NCK1: variants seen among roughly 807,000 people sequenced by gnomAD.
NCK1 encodes SH2/SH3 adapter protein NCK1.
Under a neutral mutation model 36.6 loss-of-function variants are expected in NCK1, and 19 were observed. That is an observed-to-expected ratio of 0.52 (90% CI 0.36 to 0.76). The LOEUF (loss-of-function observed/expected upper bound fraction) is 0.76. Ranked by LOEUF, NCK1 falls within the 30% of genes least tolerant of loss-of-function variation. NCK1 has a pLI of 0.00. For missense variants in NCK1, 358 were observed against 445.6 expected, an observed-to-expected ratio of 0.80 and a Z score of 1.77; for synonymous variants, 165 against 156.0, an observed-to-expected ratio of 1.06 and a Z score of -0.43.
At chr3:136,866,004 G>T (rs1938400469) in intron 1 of NCK1, among the ~76,000 whole-genome samples, 1 of 151,960 alleles carries the variant, frequency 6.6e-6, no homozygotes. Context: ...TGGGTTTTTT[G>T]CTTGATTTTT....
At chr3:136,936,254 T>C (rs1011946702) in intron 2 of NCK1, among the ~76,000 whole-genome samples, 1 of 152,146 alleles carries the variant, frequency 6.6e-6, no homozygotes, top group Non-Finnish European at 1.5e-5. Flanking sequence ...TTGGCCAGGC[T>C]GGTCACGAAC....
chr3:136,942,870 G>C (rs931308268), intron 2 of NCK1, among the ~76,000 whole-genome samples: 3 of 152,194 alleles, frequency 2.0e-5, no homozygotes, highest in Admixed American at 6.5e-5. Flanking sequence ...CCTATGCCTG[G>C]GAATGATTCA....
chr3:136,889,239 G>C (rs981105517), intron 1 of NCK1: 2 of 173,712 alleles, frequency 1.2e-5, no homozygotes, highest in African/African-American at 4.8e-5. Context: ...TACTGGTACT[G>C]TGTCTGGAAT....
chr3:136,880,822 T>C (rs1576948119), intron 1 of NCK1, among the ~76,000 whole-genome samples: 1 of 152,156 alleles, frequency 6.6e-6, no homozygotes, highest in East Asian at 1.9e-4. Context: ...TTGCCCTGGC[T>C]GGTCTTGAAC....
chr3:136,924,834 A>C (rs1187563022), intron 1 of NCK1, among the ~76,000 whole-genome samples: 1 of 152,206 alleles, frequency 6.6e-6, no homozygotes, highest in African/African-American at 2.4e-5. Flanking sequence ...CAAGGTCGTC[A>C]CCAAGGTCTG....
intron 2 of NCK1, among the ~76,000 whole-genome samples, chr3:136,944,444 T>C (rs1184431632): frequency 6.6e-6 from 1 of 152,172 alleles, no homozygotes; most frequent in Non-Finnish European, 1.5e-5. Context: ...AAAAGAGTGG[T>C]ATAGTTTATT....
intron 1 of NCK1, among the ~76,000 whole-genome samples, chr3:136,877,715 T>C (rs914909631): frequency 2.0e-5 from 3 of 152,156 alleles, no homozygotes; most frequent in Admixed American, 6.6e-5. Flanking sequence ...AGTGAACTGA[T>C]GGGAAACTTC....
chr3:136,864,865 C>G (rs933994135), intron 1 of NCK1, among the ~76,000 whole-genome samples: 1 of 148,010 alleles, frequency 6.8e-6, no homozygotes, highest in Non-Finnish European at 1.5e-5. Flanking sequence ...TCAATCGATT[C>G]TTGTGCCTCG....
At chr3:136,873,556 T>C (rs1342236012) in intron 1 of NCK1, among the ~76,000 whole-genome samples, 1 of 152,048 alleles carries the variant, frequency 6.6e-6, no homozygotes, top group Non-Finnish European at 1.5e-5. Flanking sequence ...TGGGAAGGCA[T>C]GATTGGTTTT....
intron 1 of NCK1, among the ~76,000 whole-genome samples, chr3:136,911,154 T>C (rs1449702528): frequency 2.6e-5 from 4 of 152,220 alleles, no homozygotes; most frequent in Non-Finnish European, 5.9e-5. Flanking sequence ...ATTAATCCAT[T>C]GATGGACACT....
intron 1 of NCK1, among the ~76,000 whole-genome samples, chr3:136,865,931 G>A (rs909466739): frequency 2.6e-5 from 4 of 152,116 alleles, no homozygotes; most frequent in Admixed American, 6.6e-5. Flanking sequence ...CTCTATGCGT[G>A]TAACAATATT....
Position 136,928,144 on chromosome 3 carries a change from C to T in NCK1, c.143C>T (p.Thr48Ile). 4.3e-6 allele frequency: 7 copies of T among 1,614,130 alleles called. No homozygotes were observed. In the South Asian group the frequency reaches 6.6e-5, roughly 15 times the overall value. The change falls in exon 2 of 4, where the codon ACA (threonine) becomes ATA (isoleucine). Residue 48 changes from threonine to isoleucine, a missense_variant. By Grantham distance (89) the Thr-to-Ile change is moderately conservative (BLOSUM62 -1). Coordinates refer to ENST00000481752, the MANE Select transcript of NCK1 (RefSeq NM_001291999.2). ...CGAGTTCGAAATTCCATGAATAAAA[C>T]AGGTTTTGTGCCTTCTAACTATGTG... ...WWRVRNSMNK[T>I]GFVPSNYVER...
rs570630444 is a variant in NCK1, at chr3:136,870,014, G to A, written c.-19+7661G>A. On this transcript the variant is annotated intron_variant, in intron 1 of 3. Coordinates refer to ENST00000481752, the MANE Select transcript of NCK1 (RefSeq NM_001291999.2). ...ATATGTGGAAATATTTAAAAGAATGGATGTTTCTCAAAAGTTTTTTTTTTT... is the reference window on the plus strand; with the variant it reads ...ATATGTGGAAATATTTAAAAGAATGAATGTTTCTCAAAAGTTTTTTTTTTT... 2.1e-4 allele frequency among the ~76,000 whole-genome samples: 31 copies of A among 146,344 alleles called. No homozygotes were observed. The South Asian group carries it at 6.7e-3, about 32-fold the overall frequency.
chr3:136,886,943 A>C (rs1031130900), intron 1 of NCK1, among the ~76,000 whole-genome samples: 9 of 151,768 alleles, frequency 5.9e-5, no homozygotes, highest in Non-Finnish European at 1.0e-4. Context: ...TCCCAGGTTC[A>C]AGCGATTCTT....
intron 1 of NCK1, among the ~76,000 whole-genome samples, chr3:136,909,777 G>A (rs1158627007): frequency 6.6e-6 from 1 of 152,002 alleles, no homozygotes; most frequent in African/African-American, 2.4e-5. Flanking sequence ...CATGTTAAAT[G>A]TTTATCATAG....
chr3:136,876,585 A>G (rs535994832), intron 1 of NCK1, among the ~76,000 whole-genome samples: 23 of 151,142 alleles, frequency 1.5e-4, no homozygotes, highest in Non-Finnish European at 3.0e-4. Flanking sequence ...TTTTTTTTTT[A>G]AACCAAAAAA....
chr3:136,898,260 G>T (rs931385698), intron 1 of NCK1, among the ~76,000 whole-genome samples: 1 of 151,988 alleles, frequency 6.6e-6, no homozygotes, highest in African/African-American at 2.4e-5. Flanking sequence ...GCTGGGTATG[G>T]TGGTGATTGC....
At chr3:136,909,215 G>T (rs1020868970) in intron 1 of NCK1, among the ~76,000 whole-genome samples, 1 of 152,178 alleles carries the variant, frequency 6.6e-6, no homozygotes, top group Non-Finnish European at 1.5e-5. Context: ...AGAGGCAGAA[G>T]TTAGGTAGAA....
chr3:136,913,013 T>A (rs1011252083), intron 1 of NCK1, among the ~76,000 whole-genome samples: 2 of 152,300 alleles, frequency 1.3e-5, no homozygotes, highest in African/African-American at 2.4e-5. Context: ...CTACATTGTT[T>A]TCTTGCCTTT....
Sources: allele counts gnomAD v4.1 joint callset (sites outside exome capture counted in the v4.1 genomes callset), GRCh38; gene constraint gnomAD v4.1.1; transcripts MANE v1.5; gene names NCBI Gene and HGNC (gene_info 2026-07-23, HGNC 2026-07-21).